BRDT: variants seen among roughly 807,000 people sequenced by gnomAD.
BRDT encodes bromodomain testis-specific protein.
A neutral mutation model predicts 113.9 loss-of-function variants in BRDT; 77 were observed. The ratio of observed to expected loss-of-function variants is 0.68; its 90% CI spans 0.56 to 0.82. The LOEUF (loss-of-function observed/expected upper bound fraction) is 0.82, where lower values mean the gene tolerates loss of function less well. Ranked by LOEUF, BRDT falls within the 40% of genes least tolerant of loss-of-function variation. BRDT has a pLI of 0.00. For synonymous variants in BRDT, 358 were observed against 366.5 expected, an observed-to-expected ratio of 0.98 and a Z score of 0.26; for missense variants, 1,027 against 1,105.4, an observed-to-expected ratio of 0.93 and a Z score of 1.01.
rs1304137086 is a variant in BRDT, at chr1:91,977,402, T to C, written c.969+9T>C. On this transcript the variant is annotated intron_variant, in intron 6 of 18. Transcript: ENST00000399546. ...ATCTTGGAACTATTAAGGTAAATGT[T>C]GCCTTAAAAGGAAGAACTTCTTTTT... 6.6e-7 allele frequency: 1 copy of C among 1,505,238 alleles called. No individual in the cohort carries two copies. The highest frequency in any genetic ancestry group is 8.9e-7 in the Non-Finnish European group (1 of 1,125,424). The allele number at this position is 1,505,238 out of a possible 1,614,324, so 93.2% of individuals were successfully genotyped here.
chr1:91,955,071 G>A (rs1681594954), intron 1 of BRDT, among the ~76,000 whole-genome samples: 1 of 152,100 alleles, frequency 6.6e-6, no homozygotes, highest in Non-Finnish European at 1.5e-5. Flanking sequence ...GTGGCATATT[G>A]GAATGTGAGT....
chr1:91,997,107 CA>C (rs1686417215), intron 15 of BRDT, among the ~76,000 whole-genome samples: 1 of 149,686 alleles, frequency 6.7e-6, no homozygotes, highest in Non-Finnish European at 1.5e-5. Context: ...AATAAAAGCC[CA>C]GGAAGATAGA....
At chr1:92,012,597 C>T (rs1376785592) in intron 18 of BRDT, among the ~76,000 whole-genome samples, 1 of 152,166 alleles carries the variant, frequency 6.6e-6, no homozygotes, top group Non-Finnish European at 1.5e-5. Context: ...CATTTGGCAT[C>T]CTAGAAACTG....
intron 18 of BRDT, among the ~76,000 whole-genome samples, chr1:92,006,331 T>C (rs1687295543): frequency 6.6e-6 from 1 of 152,230 alleles, no homozygotes; most frequent in Admixed American, 6.5e-5. Context: ...CACCTTTTTA[T>C]GACTAGCGTT....
At chr1:91,971,339 G>C (rs1683611402) in intron 4 of BRDT, among the ~76,000 whole-genome samples, 1 of 152,146 alleles carries the variant, frequency 6.6e-6, no homozygotes, top group African/African-American at 2.4e-5. Context: ...GTTGGGAGAG[G>C]CTTTAGAGGT....
At chr1:91,977,578 C>T (rs1185187634) in intron 6 of BRDT, 185 bp downstream of exon 6, 4 of 517,442 alleles carry the variant, frequency 7.7e-6, no homozygotes, top group Non-Finnish European at 9.7e-6. Flanking sequence ...TTGAACATGT[C>T]CATGGTTCTA....
Position 91,976,352 on chromosome 1 carries a change from C to G in BRDT, c.532C>G (p.Pro178Ala). The G allele has an allele frequency of 1.2e-6, 2 of 1,612,832 alleles. No individual in the cohort carries two copies. The highest frequency in any genetic ancestry group is 1.7e-4 in the Middle Eastern group (1 of 6,060). The change falls in exon 5 of 19, where the codon CCT (proline) becomes GCT (alanine). Residue 178 changes from proline to alanine, a missense_variant. Coordinates refer to ENST00000399546, the MANE Select transcript of BRDT (RefSeq NM_207189.4). Reference protein sequence around the residue: ...TEKVFKQQEIPSVFPKTSISP... With the variant: ...TEKVFKQQEIASVFPKTSISP... ...AAAAGTATTTAAGCAGCAAGAAATT[C>G]CTTCTGTATTTCCTAAGACATCTAT...
intron 8 of BRDT, among the ~76,000 whole-genome samples, chr1:91,979,992 T>C (rs962987659): frequency 1.3e-5 from 2 of 152,214 alleles, no homozygotes; most frequent in African/African-American, 4.8e-5. Context: ...TGGTTGATTC[T>C]CATTGAAATG....
intron 6 of BRDT, chr1:91,977,636 C>G (rs766316167): frequency 4.8e-5 from 12 of 251,444 alleles, no homozygotes; most frequent in Non-Finnish European, 8.9e-5. Context: ...TTTGGGAGGC[C>G]AAGGCGGGCG....
At chr1:91,974,494 A>T (rs1277042663) in intron 4 of BRDT, among the ~76,000 whole-genome samples, 1 of 152,256 alleles carries the variant, frequency 6.6e-6, no homozygotes, top group African/African-American at 2.4e-5. Flanking sequence ...CACTTCTCAA[A>T]AGAAGACATT....
chr1:91,959,929 A>C (rs966464679), intron 1 of BRDT, among the ~76,000 whole-genome samples: 5 of 152,192 alleles, frequency 3.3e-5, no homozygotes, highest in African/African-American at 4.8e-5. Context: ...CTTTTAAAAA[A>C]CCAACAAAAC....
At position 91,994,185 on chromosome 1, in the gene BRDT, A is replaced by G. The variant is rs749938328; in HGVS notation, c.2218A>G (p.Asn740Asp). ...ACCAAATCACCACCAATTAGCATTT[A>G]ATTATCAAGAATTAGAACATTTACA... ...MPPNHHQLAF[N>D]YQELEHLQTV... Residue 740 changes from asparagine (N) to aspartate (D), a missense_variant, in exon 15 of 19, where the codon AAT becomes GAT. Coordinates refer to ENST00000399546, the MANE Select transcript of BRDT (RefSeq NM_207189.4). 1 of 1,613,434 alleles carries G rather than the reference A, an allele frequency of 6.2e-7. No homozygotes were observed. The highest frequency in any genetic ancestry group is 1.1e-5 in the South Asian group (1 of 91,028).
Position 91,976,495 on chromosome 1 carries a change from A to G in BRDT, c.618+57A>G, listed in dbSNP as rs1020442662. On this transcript the variant is annotated intron_variant, in intron 5 of 18. Transcript: ENST00000399546. ...TTTTAACACTGGATTTTTTTTTTCC[A>G]TTTATAGGAAAATTAGTCTTCAGCG... The G allele has an allele frequency of 6.4e-6, 9 of 1,413,006 alleles. No individual in the cohort carries two copies. In the African/African-American group the frequency reaches 1.0e-4, roughly 16 times the overall value. The allele number at this position is 1,413,006 out of a possible 1,614,324, so 87.5% of individuals were successfully genotyped here.
intron 18 of BRDT, among the ~76,000 whole-genome samples, chr1:92,008,301 T>C (rs1385057737): frequency 6.6e-6 from 1 of 152,236 alleles, no homozygotes; most frequent in African/African-American, 2.4e-5. Flanking sequence ...TCTTATAGTC[T>C]GGGTCCGCTG....
At chr1:91,967,511 G>C (rs375578257) in intron 3 of BRDT, among the ~76,000 whole-genome samples, 4 of 152,132 alleles carry the variant, frequency 2.6e-5, no homozygotes, top group Middle Eastern at 3.4e-3. Flanking sequence ...CAATTCTCCT[G>C]CCTCAGCCTC....
intron 1 of BRDT, among the ~76,000 whole-genome samples, chr1:91,957,146 A>G (rs1336188107): frequency 1.3e-5 from 2 of 152,152 alleles, no homozygotes; most frequent in African/African-American, 4.8e-5. Flanking sequence ...TGGGACAGCA[A>G]AAACTTTTGT....
At chr1:91,962,237 T>TA (rs1682557772) in intron 1 of BRDT, among the ~76,000 whole-genome samples, 1 of 139,186 alleles carries the variant, frequency 7.2e-6, no homozygotes, top group Non-Finnish European at 1.6e-5. Flanking sequence ...TATTTGTATA[T>TA]AAAAAATTTG....
intron 12 of BRDT, among the ~76,000 whole-genome samples, chr1:91,985,224 G>A (rs563313839): frequency 3.3e-5 from 5 of 151,992 alleles, no homozygotes; most frequent in South Asian, 4.2e-4. Context: ...CCACCACACC[G>A]GCTAATTTTT....
At chr1:91,984,117 CTT>C (rs1684980152) in intron 12 of BRDT, among the ~76,000 whole-genome samples, 1 of 152,120 alleles carries the variant, frequency 6.6e-6, no homozygotes, top group Non-Finnish European at 1.5e-5. Flanking sequence ...TGGAAAAACA[CTT>C]TATATATGTT....
Sources: gnomAD v4.1 joint callset for allele counts (sites outside exome capture counted in the v4.1 genomes callset) on GRCh38, gnomAD v4.1.1 for gene constraint, MANE v1.5 for transcripts, NCBI Gene and HGNC (gene_info 2026-07-23, HGNC 2026-07-21) for gene names.